GRIK2: variants seen among roughly 807,000 people sequenced by gnomAD.
GRIK2 encodes the protein glutamate ionotropic receptor kainate type subunit 2, also known as glutamate receptor ionotropic, kainate 2.
A neutral mutation model predicts 100.3 loss-of-function variants in GRIK2; 32 were observed. The ratio of observed to expected loss-of-function variants is 0.32; its 90% CI spans 0.24 to 0.43. GRIK2 has a LOEUF of 0.43. GRIK2 is among the 20% of genes least tolerant of loss of function. The pLI, the probability that GRIK2 is intolerant of heterozygous loss-of-function variation, is 1.00. For synonymous variants in GRIK2, 417 were observed against 389.4 expected (o/e 1.07, Z -0.83); for missense variants, 843 against 1,114.9 (o/e 0.76, Z 3.47).
chr6:101,742,162 G>GT (rs1176046549), intron 7 of GRIK2, among the ~76,000 whole-genome samples: 1 of 152,118 alleles, frequency 6.6e-6, no homozygotes, highest in African/African-American at 2.4e-5. Context: ...CTTTTTAATA[G>GT]TTTTTAGCTT....
chr6:101,857,997 G>C (rs1366348187), intron 10 of GRIK2, among the ~76,000 whole-genome samples: 1 of 152,118 alleles, frequency 6.6e-6, no homozygotes, highest in Middle Eastern at 3.2e-3. Flanking sequence ...TCCTTGGCTT[G>C]AAATACTCTG....
chr6:101,779,877 C>CTCTCTA (rs1554262254), intron 7 of GRIK2, among the ~76,000 whole-genome samples: 36 of 151,598 alleles, frequency 2.4e-4, no homozygotes, highest in African/African-American at 8.7e-4. Context: ...ATCTCTCTCT[C>CTCTCTA]TATATATATA....
At chr6:101,480,418 T>A (rs903815718) in intron 2 of GRIK2, among the ~76,000 whole-genome samples, 4 of 152,090 alleles carry the variant, frequency 2.6e-5, no homozygotes, top group Non-Finnish European at 5.9e-5. Context: ...CCCTTTTTCC[T>A]CTCTTAGCAT....
chr6:101,766,241 G>A (rs1287794197), intron 7 of GRIK2, among the ~76,000 whole-genome samples: 3 of 151,184 alleles, frequency 2.0e-5, no homozygotes, highest in East Asian at 1.9e-4. Flanking sequence ...GTTGCTTTTA[G>A]AGCAACCTGA....
At chr6:101,755,901 T>C (rs552919280) in intron 7 of GRIK2, among the ~76,000 whole-genome samples, 10 of 152,332 alleles carry the variant, frequency 6.6e-5, no homozygotes, top group Non-Finnish European at 1.5e-4. Flanking sequence ...ATTATTATAA[T>C]GGAAATTGTG....
intron 4 of GRIK2, among the ~76,000 whole-genome samples, chr6:101,663,391 G>A (rs560653702): frequency 1.3e-5 from 2 of 152,254 alleles, no homozygotes; most frequent in African/African-American, 2.4e-5. Context: ...ATCTGAACAG[G>A]TTGTCAGGAG....
At chr6:101,677,723 G>A (rs1770942990) in intron 5 of GRIK2, among the ~76,000 whole-genome samples, 1 of 152,056 alleles carries the variant, frequency 6.6e-6, no homozygotes, top group Non-Finnish European at 1.5e-5. Flanking sequence ...CAGTCATTTA[G>A]AAACCTCTCA....
At chr6:101,504,880 A>C (rs922967264) in intron 2 of GRIK2, among the ~76,000 whole-genome samples, 1 of 152,120 alleles carries the variant, frequency 6.6e-6, no homozygotes, top group Non-Finnish European at 1.5e-5. Context: ...CCCTAGACAC[A>C]ATCCTGGTGA....
chr6:101,430,441 G>C (rs1268323402), intron 2 of GRIK2: 1 of 215,428 alleles, frequency 4.6e-6, no homozygotes, highest in Non-Finnish European at 9.9e-6. Context: ...GCTGGAAGGT[G>C]GAAAGGGAGG....
chr6:101,480,102 G>C (rs1387621167), intron 2 of GRIK2, among the ~76,000 whole-genome samples: 3 of 152,134 alleles, frequency 2.0e-5, no homozygotes, highest in African/African-American at 7.2e-5. Flanking sequence ...TGGTGAGTGG[G>C]GAAAGGTTAT....
At chr6:101,473,936 C>G (rs1293924544) in intron 2 of GRIK2, among the ~76,000 whole-genome samples, 2 of 151,788 alleles carry the variant, frequency 1.3e-5, no homozygotes. Flanking sequence ...ACAGTGCATA[C>G]TCTCACTGTT....
intron 2 of GRIK2, among the ~76,000 whole-genome samples, chr6:101,549,331 G>T (rs1776399894): frequency 6.6e-6 from 1 of 151,316 alleles, no homozygotes; most frequent in East Asian, 1.9e-4. Context: ...GGGCCAGCCT[G>T]GTAGGGTGGG....
At chr6:101,825,289 C>T (rs944979659) in intron 10 of GRIK2, among the ~76,000 whole-genome samples, 1 of 152,118 alleles carries the variant, frequency 6.6e-6, no homozygotes, top group East Asian at 1.9e-4. Flanking sequence ...AGAGATTGTG[C>T]TGGTACTACA....
chr6:101,992,896 A>C (rs1794448987), intron 14 of GRIK2, among the ~76,000 whole-genome samples: 1 of 151,530 alleles, frequency 6.6e-6, no homozygotes, highest in Non-Finnish European at 1.5e-5. Flanking sequence ...ATGTGTGCAG[A>C]TTTTATTTAA....
intron 7 of GRIK2, among the ~76,000 whole-genome samples, chr6:101,747,337 A>G: frequency 6.6e-6 from 1 of 152,192 alleles, no homozygotes; most frequent in East Asian, 1.9e-4. Flanking sequence ...AGGCATGGAT[A>G]GTTGTCAGCA....
At chr6:101,427,314 A>G (rs891861359) in intron 2 of GRIK2, among the ~76,000 whole-genome samples, 1 of 152,316 alleles carries the variant, frequency 6.6e-6, no homozygotes. Context: ...TGCCATCCCC[A>G]TTCTCATTGC....
intron 10 of GRIK2, among the ~76,000 whole-genome samples, chr6:101,843,891 C>A (rs567850484): frequency 6.6e-6 from 1 of 152,116 alleles, no homozygotes; most frequent in South Asian, 2.1e-4. Flanking sequence ...TGTGACTTGG[C>A]ATATACTTAC....
chr6:101,452,406 C>A (rs1295603931), intron 2 of GRIK2, among the ~76,000 whole-genome samples: 2 of 151,436 alleles, frequency 1.3e-5, no homozygotes, highest in Non-Finnish European at 3.0e-5. Flanking sequence ...CCAAATACAT[C>A]GCTGTTTAAT....
intron 2 of GRIK2, among the ~76,000 whole-genome samples, chr6:101,423,269 A>G (rs1375930454): frequency 1.3e-5 from 2 of 152,204 alleles, no homozygotes; most frequent in East Asian, 3.8e-4. Context: ...TTAGTTTTGA[A>G]TATCAAGAGA....
Sources: gnomAD v4.1 joint callset for allele counts (sites outside exome capture counted in the v4.1 genomes callset) on GRCh38, gnomAD v4.1.1 for gene constraint, MANE v1.5 for transcripts, NCBI Gene and HGNC (gene_info 2026-07-23, HGNC 2026-07-21) for gene names.